The following ICA1 variants were observed in gnomAD, a reference collection of about 807,000 sequenced individuals.
ICA1 encodes the protein islet cell autoantigen 1.
ICA1 carries 40 observed loss-of-function variants against 71.0 expected under a neutral mutation model. That is an observed-to-expected ratio of 0.56 (90% CI 0.44 to 0.73). The LOEUF is 0.73. Among genes scored for constraint, ICA1 ranks in the 30% least tolerant of loss-of-function variants. The pLI, the probability that ICA1 is intolerant of heterozygous loss-of-function variation, is 0.00. For missense variants in ICA1, 578 were observed against 576.5 expected, an observed-to-expected ratio of 1.00 and a Z score of -0.03; for synonymous variants, 207 against 209.5, an observed-to-expected ratio of 0.99 and a Z score of 0.10.
At chr7:8,237,563 G>C (rs1272342849) in intron 1 of ICA1, among the ~76,000 whole-genome samples, 2 of 151,970 alleles carry the variant, frequency 1.3e-5, no homozygotes, top group Non-Finnish European at 2.9e-5. Flanking sequence ...TTGCATGATG[G>C]AAATTCTACA....
chr7:8,259,450 T>A (rs973919828), intron 1 of ICA1, among the ~76,000 whole-genome samples: 7 of 152,208 alleles, frequency 4.6e-5, no homozygotes, highest in African/African-American at 1.7e-4. Flanking sequence ...CAAAATTATT[T>A]GAACTACTCA....
chr7:8,181,722 G>GT lies in ICA1; in HGVS notation c.580-23071dup, dbSNP rs530945939. Reference sequence around the variant, plus strand: ...TATTTTTAGGTATTTGCCATTTTCAGTTTTTAAACGTGGCTCAGAAAATAA... The same window carrying GT: ...TATTTTTAGGTATTTGCCATTTTCAGTTTTTTAAACGTGGCTCAGAAAATAA... On this transcript the variant is annotated intron_variant, in intron 6 of 13. Transcript: ENST00000402384. Among the ~76,000 whole-genome samples the GT allele has an allele frequency of 1.3e-4, 20 of 152,250 alleles. No homozygotes were observed. In the South Asian group the frequency reaches 3.7e-3, roughly 28 times the overall value.
intron 1 of ICA1, among the ~76,000 whole-genome samples, chr7:8,242,072 G>T (rs1413114620): frequency 6.6e-6 from 1 of 152,076 alleles, no homozygotes; most frequent in Non-Finnish European, 1.5e-5. Context: ...AGACCTAATA[G>T]ACATCTACAG....
intron 12 of ICA1, among the ~76,000 whole-genome samples, chr7:8,128,471 G>A (rs983815495): frequency 2.0e-5 from 3 of 152,134 alleles, no homozygotes; most frequent in Admixed American, 2.0e-4. Context: ...AAACATGTTG[G>A]AGATCTTAGT....
At chr7:8,235,454 C>T (rs1801558218) in intron 2 of ICA1, among the ~76,000 whole-genome samples, 1 of 152,170 alleles carries the variant, frequency 6.6e-6, no homozygotes, top group South Asian at 2.1e-4. Context: ...TAATTGGCTC[C>T]TGAATGTTCA....
rs186530617 is a variant in ICA1, at chr7:8,239,798, G to T, written c.-79-3793C>A. Among the ~76,000 whole-genome samples the T allele has an allele frequency of 1.1e-4, 17 of 152,342 alleles. No individual in the cohort carries two copies. In the East Asian group the frequency reaches 3.3e-3, roughly 29 times the overall value. ...GCCCATGAAGCCTTGCTCACTGCTA[G>T]CACAGCAGTCTGAGATAGAACTGCG... is the stretch of plus-strand genomic sequence containing the variant. On this transcript the variant is annotated intron_variant, in intron 1 of 13. Coordinates refer to ENST00000402384, the MANE Select transcript of ICA1 (RefSeq NM_001136020.3).
Position 8,222,799 on chromosome 7 carries a change from T to C in ICA1, c.257-1401A>G, listed in dbSNP as rs1470293304. 1.3e-5 allele frequency among the ~76,000 whole-genome samples: 2 copies of C among 152,192 alleles called. No individual in the cohort carries two copies. Among genetic ancestry groups the C allele is most frequent in the Non-Finnish European group, 2.9e-5 (2 of 68,032 alleles). The stretch of plus-strand genomic sequence containing the variant: ...CTTTCTCTGTGAAGCAATTGATCCC[T>C]ATTTCTCCGGACAGCAGTGCTCTCT... On this transcript the variant is annotated intron_variant, in intron 4 of 13. Transcript: ENST00000402384. This position sits in a 1 kb window ranked among gnomAD's most constrained non-coding sequence, Gnocchi z 4.8.
Position 8,113,513 on chromosome 7 carries a change from T to TG in ICA1, c.*409dup. ...GCCCTCCTCCAAGGGGGACAGAGGCTGGGGGCAGAGAAGGAGGCATTTAAG... is the reference window on the plus strand; with the variant it reads ...GCCCTCCTCCAAGGGGGACAGAGGCTGGGGGGCAGAGAAGGAGGCATTTAAG... On this transcript the variant is annotated 3_prime_UTR_variant, in exon 14 of 14. Transcript: ENST00000402384. The surrounding 1 kb of genome is among the most constrained non-coding windows in gnomAD (Gnocchi z 4.2). 6.1e-6 allele frequency: 1 copy of TG among 162,946 alleles called. No individual in the cohort carries two copies. The highest frequency in any genetic ancestry group is 1.3e-5 in the Non-Finnish European group (1 of 74,290). 10.1% of individuals were successfully genotyped at this position (162,946 alleles called of 1,614,324 possible). A position where few individuals can be genotyped will look rare whatever the true frequency, so the allele number is the denominator to read the frequency against.
rs370820273 is a variant in ICA1, at chr7:8,116,483, C to T, written c.1331-2439G>A. The T allele has an allele frequency of 2.4e-4, 37 of 152,312 alleles. No individual in the cohort carries two copies. The East Asian group carries it at 4.4e-3, about 18-fold the overall frequency. 9.4% of individuals were successfully genotyped at this position (152,312 alleles called of 1,614,324 possible). ...TGAGGAGATAGGAGATATGCATCAT[C>T]GAACCCAATCCAAAAATATGAAAAA... On this transcript the variant is annotated intron_variant, in intron 13 of 13. Transcript: ENST00000402384.
chr7:8,171,589 A>G (rs1808357173), intron 6 of ICA1, among the ~76,000 whole-genome samples: 1 of 120,522 alleles, frequency 8.3e-6, no homozygotes. Flanking sequence ...CCAGCTTTTG[A>G]TTTCTCTATT....
chr7:8,242,816 A>C (rs993827535), intron 1 of ICA1, among the ~76,000 whole-genome samples: 5 of 152,240 alleles, frequency 3.3e-5, no homozygotes, highest in Non-Finnish European at 7.3e-5. Context: ...AAAATCTAGA[A>C]GAAATGGATG....
In ICA1 at chr7:8,232,604, C is replaced by T; in HGVS notation, c.169G>A (p.Asp57Asn). Residue 57 changes from aspartate to asparagine, a missense_variant, in exon 3 of 14, where the codon GAT (aspartate) becomes AAT (asparagine). By Grantham distance (23) the Asp-to-Asn change is conservative (BLOSUM62 1). Coordinates refer to ENST00000402384, the MANE Select transcript of ICA1 (RefSeq NM_001136020.3). Reference sequence around the variant, plus strand: ...AAAGAGCTCACCTCTAGCTTGGCATCCAGGTCCGCGTCAGAGGCAACAACA... The same window carrying T: ...AAAGAGCTCACCTCTAGCTTGGCATTCAGGTCCGCGTCAGAGGCAACAACA... Reference protein sequence around the residue: ...EHVVASDADLDAKLELFHSIQ... With the variant: ...EHVVASDADLNAKLELFHSIQ... 1 of 1,611,180 alleles carries T rather than the reference C, an allele frequency of 6.2e-7. No homozygotes were observed. The highest frequency in any genetic ancestry group is 1.1e-5 in the South Asian group (1 of 90,316).
chr7:8,160,914 C>A (rs772729438), intron 6 of ICA1, among the ~76,000 whole-genome samples: 1 of 152,132 alleles, frequency 6.6e-6, no homozygotes, highest in Non-Finnish European at 1.5e-5. Context: ...AAAAGAAAAC[C>A]TAATTTCTGG....
rs114257677 is a variant in ICA1, at chr7:8,132,615, T to G, written c.1061-4473A>C. ...ACTGCCCAGCCTGGAAATGCTGCTA[T>G]CTCCTGGGAGTCCCCATGAGGCGGC... On this transcript the variant is annotated intron_variant, in intron 12 of 13. Coordinates refer to ENST00000402384, the MANE Select transcript of ICA1 (RefSeq NM_001136020.3). The surrounding 1 kb of genome is among the most constrained non-coding windows in gnomAD (Gnocchi z 4.5). Among the ~76,000 whole-genome samples, 2,916 of 152,274 alleles carry G rather than the reference T, an allele frequency of 0.019. 73 individuals carry two copies. Among genetic ancestry groups the G allele is most frequent in the African/African-American group, 0.064 (2,662 of 41,526 alleles).
In ICA1 at chr7:8,164,591, T is replaced by C. The variant is rs867003371; in HGVS notation, c.580-5939A>G. On this transcript the variant is annotated intron_variant, in intron 6 of 13. Coordinates refer to ENST00000402384, the MANE Select transcript of ICA1 (RefSeq NM_001136020.3). Reference sequence around the variant, plus strand: ...ACACCTCAGACCACATCAGAAATCTTGGCCTTCTTCCCCAATCAGCTCTAA... The same window carrying C: ...ACACCTCAGACCACATCAGAAATCTCGGCCTTCTTCCCCAATCAGCTCTAA... Among the ~76,000 whole-genome samples the C allele has an allele frequency of 5.7e-4, 87 of 152,312 alleles. No individual in the cohort carries two copies. In the Middle Eastern group the frequency reaches 0.01, roughly 18 times the overall value.
intron 13 of ICA1, among the ~76,000 whole-genome samples, chr7:8,119,967 T>C (rs767294775): frequency 6.6e-6 from 1 of 152,220 alleles, no homozygotes; most frequent in Non-Finnish European, 1.5e-5. Context: ...TTGAATTCCT[T>C]TGTAAGTATG....
Position 8,117,516 on chromosome 7 carries a change from T to C in ICA1, c.1331-3472A>G, listed in dbSNP as rs77476342. Among the ~76,000 whole-genome samples, 32 of 152,348 alleles carry C rather than the reference T, an allele frequency of 2.1e-4. No individual in the cohort carries two copies. In the East Asian group the frequency reaches 6.2e-3, roughly 29 times the overall value. The stretch of plus-strand genomic sequence containing the variant: ...TCATTGTATATATGCAAGTCTTACC[T>C]TCTCAATGAGACAAGGAATTTTTTG... On this transcript the variant is annotated intron_variant, in intron 13 of 13. Coordinates refer to ENST00000402384, the MANE Select transcript of ICA1 (RefSeq NM_001136020.3).
intron 4 of ICA1, among the ~76,000 whole-genome samples, chr7:8,228,400 A>G (rs1049203627): frequency 1.3e-5 from 2 of 152,204 alleles, no homozygotes; most frequent in Non-Finnish European, 2.9e-5. Flanking sequence ...ATCCAAACAG[A>G]ATTCTCCTAA....
rs1790990666 is a variant in ICA1, at chr7:8,130,354, G to C, written c.1061-2212C>G. On this transcript the variant is annotated intron_variant, in intron 12 of 13. Transcript: ENST00000402384. The surrounding 1 kb of genome is among the most constrained non-coding windows in gnomAD (Gnocchi z 4.2). ...TGGCCCACCTCTGTGGATGAAGGCA[G>C]GAGCTGAAGGAAAGGAAAGCAACCT... Among the ~76,000 whole-genome samples, 1 of 152,220 alleles carries C rather than the reference G, an allele frequency of 6.6e-6. No homozygotes were observed. Among genetic ancestry groups the C allele is most frequent in the African/African-American group, 2.4e-5 (1 of 41,450 alleles).
Sources: gnomAD v4.1 joint callset for allele counts (sites outside exome capture counted in the v4.1 genomes callset) on GRCh38, gnomAD v4.1.1 for gene constraint, Gnocchi (gnomAD v3.1) non-coding constraint, MANE v1.5 for transcripts, NCBI Gene and HGNC (gene_info 2026-07-23, HGNC 2026-07-21) for gene names.